The following DHRS7 variants were observed in gnomAD, a reference collection of about 807,000 sequenced individuals.
DHRS7 encodes dehydrogenase/reductase SDR family member 7.
In DHRS7, 34 loss-of-function variants were observed where a neutral mutation model predicts 38.9. The observed-to-expected ratio is 0.87, with a 90% CI of 0.66 to 1.16. DHRS7 has a LOEUF of 1.16. Ranked by LOEUF, DHRS7 falls within the 50% of genes most tolerant of loss-of-function variation. DHRS7 has a pLI of 0.00. For synonymous variants in DHRS7, 158 were observed against 153.1 expected (o/e 1.03, Z -0.24); for missense variants, 421 against 407.0 (o/e 1.03, Z -0.30).
At chr14:60,168,657 T>G (rs753350240), upstream of DHRS7, 4 of 1,529,334 alleles carry the variant, frequency 2.6e-6, no homozygotes, top group African/African-American at 4.2e-5. Flanking sequence ...GATCAATGCT[T>G]TTTCCTCTCC....
Position 60,162,378 on chromosome 14 carries a change from TAAAA to T in DHRS7, c.133+2795_133+2798del, listed in dbSNP as rs201218193. Among the ~76,000 whole-genome samples the T allele has an allele frequency of 1.4e-5, 2 of 139,206 alleles. No homozygotes were observed. The highest frequency in any genetic ancestry group is 2.7e-5 in the African/African-American group (1 of 37,682). The allele number at this position is 139,206 out of a possible 152,430, so 91.3% of individuals were successfully genotyped here. A position where few individuals can be genotyped will look rare whatever the true frequency, so the allele number is the denominator to read the frequency against. On this transcript the variant is annotated intron_variant, in intron 1 of 6. Coordinates refer to ENST00000557185, the MANE Select transcript of DHRS7 (RefSeq NM_016029.4). This position sits in a 1 kb window ranked among gnomAD's most constrained non-coding sequence, Gnocchi z 4.5. Reference sequence around the variant, plus strand: ...ACAAAGCAAGACCTTGTCTCTCTATTAAAAAAAAAAAAAAATCACCATGTGAGAT... The same window carrying T: ...ACAAAGCAAGACCTTGTCTCTCTATTAAAAAAAAAAATCACCATGTGAGAT...
chr14:60,163,080 G>T (rs190598034), intron 1 of DHRS7, among the ~76,000 whole-genome samples: 1 of 151,610 alleles, frequency 6.6e-6, no homozygotes, highest in Admixed American at 6.6e-5. Flanking sequence ...TGAAGCAGGA[G>T]AATCACTTGA....
chr14:60,156,636 G>C (rs1896666150), intron 1 of DHRS7, among the ~76,000 whole-genome samples: 1 of 152,206 alleles, frequency 6.6e-6, no homozygotes, highest in Non-Finnish European at 1.5e-5. Flanking sequence ...TGCAATGGAG[G>C]TTGATGAAGA....
At chr14:60,155,015 A>C (rs1184382249) in intron 2 of DHRS7, among the ~76,000 whole-genome samples, 1 of 152,226 alleles carries the variant, frequency 6.6e-6, no homozygotes, top group Non-Finnish European at 1.5e-5. Flanking sequence ...CGATCAGCAA[A>C]GTTAAAGATT....
At chr14:60,156,261 G>T in intron 1 of DHRS7, 109 bp from the exon 2 acceptor site, 2 of 935,528 alleles carry the variant, frequency 2.1e-6, no homozygotes, top group Non-Finnish European at 1.5e-6. Flanking sequence ...TAAATATGAA[G>T]GCATGATGTA....
chr14:60,169,155 A>AAC (rs1896903370), upstream of DHRS7: 1 of 151,466 alleles, frequency 6.6e-6, no homozygotes, highest in African/African-American at 2.5e-5. Flanking sequence ...AAAAAAAAAA[A>AAC]AAAAAACCAT....
upstream of DHRS7, chr14:60,169,603 C>G (rs1021325558): frequency 1.5e-4 from 23 of 152,368 alleles, no homozygotes; most frequent in Admixed American, 4.6e-4. Context: ...TCAATCACCC[C>G]CAAAAGGGGT....
In DHRS7 at chr14:60,145,036, T is replaced by C; in HGVS notation, c.973-23A>G. Reference sequence around the variant, plus strand: ...ATCCTGTAAAAGAGGGACAGAAACATGGATCAGTACCTACTCCTATTTACT... The same window carrying C: ...ATCCTGTAAAAGAGGGACAGAAACACGGATCAGTACCTACTCCTATTTACT... On this transcript the variant is annotated intron_variant, in intron 6 of 6. Coordinates refer to ENST00000557185, the MANE Select transcript of DHRS7 (RefSeq NM_016029.4). This position sits in a 1 kb window ranked among gnomAD's most constrained non-coding sequence, Gnocchi z 4.0. 3.2e-6 allele frequency: 5 copies of C among 1,562,178 alleles called. No individual in the cohort carries two copies. Among genetic ancestry groups the C allele is most frequent in the Non-Finnish European group, 4.3e-6 (5 of 1,156,342 alleles).
Position 60,165,075 on chromosome 14 carries a change from A to G in DHRS7, c.133+102T>C. On this transcript the variant is annotated intron_variant, in intron 1 of 6. Coordinates refer to ENST00000557185, the MANE Select transcript of DHRS7 (RefSeq NM_016029.4). This position sits in a 1 kb window ranked among gnomAD's most constrained non-coding sequence, Gnocchi z 4.6. ...GCCTTCGGGAAGCTCCACGCAACCCACAAAGGACCCGGGATCACTGCAGAA... is the reference window on the plus strand; with the variant it reads ...GCCTTCGGGAAGCTCCACGCAACCCGCAAAGGACCCGGGATCACTGCAGAA... 6.8e-7 allele frequency: 1 copy of G among 1,461,032 alleles called. No individual in the cohort carries two copies. The highest frequency in any genetic ancestry group is 9.3e-7 in the Non-Finnish European group (1 of 1,074,892). The allele number at this position is 1,461,032 out of a possible 1,614,324, so 90.5% of individuals were successfully genotyped here.
At chr14:60,156,231 A>G in intron 1 of DHRS7, 79 bp from the exon 2 acceptor site, 1 of 1,305,966 alleles carries the variant, frequency 7.7e-7, no homozygotes, top group Non-Finnish European at 1.0e-6. Context: ...AAAAAAAAAG[A>G]AAGCCTTAAA....
chr14:60,155,647 T>G (rs1296778504), intron 2 of DHRS7, among the ~76,000 whole-genome samples: 1 of 152,220 alleles, frequency 6.6e-6, no homozygotes, highest in Non-Finnish European at 1.5e-5. Flanking sequence ...GTAAGGATTC[T>G]TCCTAATTTC....
chr14:60,162,478 A>T lies in DHRS7; in HGVS notation c.133+2699T>A, dbSNP rs1896782777. 6.6e-6 allele frequency among the ~76,000 whole-genome samples: 1 copy of T among 152,166 alleles called. No homozygotes were observed. Reference sequence around the variant, plus strand: ...GGCAGGAAATGGTGGCTGCCTCGAGAGAAGCACACTAGGTAGCTAGGGCAC... The same window carrying T: ...GGCAGGAAATGGTGGCTGCCTCGAGTGAAGCACACTAGGTAGCTAGGGCAC... On this transcript the variant is annotated intron_variant, in intron 1 of 6. Coordinates refer to ENST00000557185, the MANE Select transcript of DHRS7 (RefSeq NM_016029.4). This position sits in a 1 kb window ranked among gnomAD's most constrained non-coding sequence, Gnocchi z 4.5.
In DHRS7 at chr14:60,153,217, G is replaced by A; in HGVS notation, c.394-39C>T. 1 of 1,610,718 alleles carries A rather than the reference G, an allele frequency of 6.2e-7. No homozygotes were observed. The highest frequency in any genetic ancestry group is 8.5e-7 in the Non-Finnish European group (1 of 1,177,924). On this transcript the variant is annotated intron_variant, in intron 3 of 6. Transcript: ENST00000557185. The surrounding 1 kb of genome is among the most constrained non-coding windows in gnomAD (Gnocchi z 4.4). Reference sequence around the variant, plus strand: ...ATCAGAAAAGGGGTGTTTGGGGGATGTCTTGTGGATAGATTGATGGAATTC... The same window carrying A: ...ATCAGAAAAGGGGTGTTTGGGGGATATCTTGTGGATAGATTGATGGAATTC...
chr14:60,152,876 G>A (rs1896573590), intron 4 of DHRS7, 63 bp downstream of exon 4: 2 of 1,580,084 alleles, frequency 1.3e-6, no homozygotes, highest in Non-Finnish European at 1.7e-6. Flanking sequence ...ACACAGTGAT[G>A]GCCATATCCC....
intron 1 of DHRS7, among the ~76,000 whole-genome samples, chr14:60,156,946 C>T (rs117163358): frequency 0.021 from 3,167 of 152,284 alleles, 59 homozygotes; most frequent in South Asian, 0.049. Context: ...CAATGAAAAA[C>T]TTATTAGCAC....
chr14:60,147,083 C>T (rs1004615628), intron 6 of DHRS7: 2 of 151,982 alleles, frequency 1.3e-5, no homozygotes, highest in African/African-American at 2.4e-5. Context: ...AACTACAAAA[C>T]CTAGCCAGGC....
chr14:60,154,842 A>C (rs1896624706), intron 2 of DHRS7, among the ~76,000 whole-genome samples: 1 of 152,172 alleles, frequency 6.6e-6, no homozygotes, highest in South Asian at 2.1e-4. Context: ...CATCTACTCC[A>C]CCAGTACAGG....
chr14:60,159,297 C>CA, intron 1 of DHRS7: 3 of 430,118 alleles, frequency 7.0e-6, no homozygotes. Context: ...TAGTGTTTTT[C>CA]AAACAACTGA....
At chr14:60,158,151 T>C (rs1012761673) in intron 1 of DHRS7, among the ~76,000 whole-genome samples, 1 of 149,358 alleles carries the variant, frequency 6.7e-6, no homozygotes, top group Non-Finnish European at 1.5e-5. Flanking sequence ...AAGAATTGCT[T>C]GAACCTGGGA....
Sources: gnomAD v4.1 joint callset for allele counts (sites outside exome capture counted in the v4.1 genomes callset) on GRCh38, gnomAD v4.1.1 for gene constraint, Gnocchi (gnomAD v3.1) non-coding constraint, MANE v1.5 for transcripts, NCBI Gene and HGNC (gene_info 2026-07-23, HGNC 2026-07-21) for gene names.